The following EDC4 variants were observed in gnomAD, a reference collection of about 807,000 sequenced individuals.
EDC4 encodes the protein enhancer of mRNA-decapping protein 4.
A neutral mutation model predicts 155.8 loss-of-function variants in EDC4; 64 were observed. The observed-to-expected ratio is 0.41, with a 90% CI of 0.34 to 0.51. EDC4 has a LOEUF of 0.51. Ranked by LOEUF, EDC4 falls within the 20% of genes least tolerant of loss-of-function variation. EDC4 has a pLI of 0.19. For synonymous variants in EDC4, 684 were observed against 716.8 expected, an observed-to-expected ratio of 0.95 and a Z score of 0.73; for missense variants, 1,303 against 1,812.5, an observed-to-expected ratio of 0.72 and a Z score of 5.10.
chr16:67,873,302 A>G lies in EDC4; in HGVS notation c.41A>G (p.Gln14Arg). The G allele has an allele frequency of 2.0e-6, 3 of 1,477,432 alleles. No homozygotes were observed. Among genetic ancestry groups the G allele is most frequent in the Non-Finnish European group, 2.7e-6 (3 of 1,117,406 alleles). 91.5% of individuals were successfully genotyped at this position (1,477,432 alleles called of 1,614,324 possible). ...CASIDIEDAT[Q>R]HLRDILKLDR... Reference sequence around the variant, plus strand: ...AGCATCGACATCGAGGACGCCACGCAGCACCTGCGGGACATCCTCAAGCTG... The same window carrying G: ...AGCATCGACATCGAGGACGCCACGCGGCACCTGCGGGACATCCTCAAGCTG... The change falls in exon 1 of 29, where the codon CAG (glutamine) becomes CGG (arginine). Residue 14 changes from glutamine (Q) to arginine (R), a missense_variant. By Grantham distance (43) the Gln-to-Arg change is conservative. Around this residue, in one of 5 missense-constraint regions of EDC4, gnomAD observed 99 missense variants for 121.3 expected, o/e 0.82. Coordinates refer to ENST00000358933, the MANE Select transcript of EDC4 (RefSeq NM_014329.5).
At position 67,876,403 on chromosome 16, in the gene EDC4, C is replaced by T. The variant is rs1266846237; in HGVS notation, c.240-85C>T. 4 of 1,542,136 alleles carry T rather than the reference C, an allele frequency of 2.6e-6. No individual in the cohort carries two copies. In the Admixed American group the frequency reaches 5.7e-5, roughly 22 times the overall value. Reference sequence around the variant, plus strand: ...CATTGGACTAGATACCTTCCCCAGTCTGGCTATGTCCTCGCTTCCTCCCAA... The same window carrying T: ...CATTGGACTAGATACCTTCCCCAGTTTGGCTATGTCCTCGCTTCCTCCCAA... On this transcript the variant is annotated intron_variant, in intron 2 of 28. Coordinates refer to ENST00000358933, the MANE Select transcript of EDC4 (RefSeq NM_014329.5). This position sits in a 1 kb window ranked among gnomAD's most constrained non-coding sequence, Gnocchi z 5.8.
chr16:67,880,565 T>C lies in EDC4; in HGVS notation c.2106T>C (p.Thr702=), dbSNP rs983763319. 4 of 1,612,984 alleles carry C rather than the reference T, an allele frequency of 2.5e-6. No individual in the cohort carries two copies. The Admixed American group carries it at 6.7e-5, about 27-fold the overall frequency. The change falls in exon 18 of 29, where the codon ACT becomes ACC. Residue 702 remains threonine, a synonymous_variant. Transcript: ENST00000358933. The surrounding 1 kb of genome is among the most constrained non-coding windows in gnomAD (Gnocchi z 5.2). ...LTPKGPGQVP[T]ATSALSLELQ... ...TCTTTGGCCCACCTCAGGTGCCTAC[T>C]GCCACCTCTGCACTGTCCCTGGAGC...
intron 1 of EDC4, chr16:67,875,577 C>T (rs944602975): frequency 4.1e-6 from 1 of 241,110 alleles, no homozygotes; most frequent in African/African-American, 2.3e-5. Flanking sequence ...TTCACTCCAT[C>T]CTTCCTGTGT....
In EDC4 at chr16:67,876,361, G is replaced by T; in HGVS notation, c.240-127G>T. The T allele has an allele frequency of 7.0e-7, 1 of 1,434,118 alleles. No individual in the cohort carries two copies. The highest frequency in any genetic ancestry group is 9.3e-7 in the Non-Finnish European group (1 of 1,076,770). The allele number at this position is 1,434,118 out of a possible 1,614,324, so 88.8% of individuals were successfully genotyped here. On this transcript the variant is annotated intron_variant, in intron 2 of 28. Transcript: ENST00000358933. This position sits in a 1 kb window ranked among gnomAD's most constrained non-coding sequence, Gnocchi z 5.8. ...GCAGAGCTGTGGGTCTGGGGCCAGT[G>T]GACCAGGCGAAGCTGACATTGGACT...
Position 67,876,050 on chromosome 16 carries a change from A to G in EDC4, c.188A>G (p.Lys63Arg), listed in dbSNP as rs149577827. Reference protein sequence around the residue: ...LCSGDSTSANKTGLRTMPPIN... With the variant: ...LCSGDSTSANRTGLRTMPPIN... Reference sequence around the variant, plus strand: ...TCAGGTGATAGTACCTCAGCAAACAAGACTGGTCTTCGGACCATGCCACCC... The same window carrying G: ...TCAGGTGATAGTACCTCAGCAAACAGGACTGGTCTTCGGACCATGCCACCC... The change falls in exon 2 of 29, where the codon AAG becomes AGG. Residue 63 changes from lysine (K) to arginine (R), a missense_variant. Lys to Arg is a conservative substitution (Grantham distance 26, BLOSUM62 2). Coordinates refer to ENST00000358933, the MANE Select transcript of EDC4 (RefSeq NM_014329.5). The surrounding 1 kb of genome is among the most constrained non-coding windows in gnomAD (Gnocchi z 5.8). The G allele has an allele frequency of 1.2e-4, 194 of 1,614,092 alleles. No individual in the cohort carries two copies. Among genetic ancestry groups the G allele is most frequent in the Non-Finnish European group, 1.4e-4 (170 of 1,180,050 alleles).
chr16:67,879,035 A>G lies in EDC4; in HGVS notation c.1366A>G (p.Thr456Ala). 1 of 1,612,804 alleles carries G rather than the reference A, an allele frequency of 6.2e-7. No homozygotes were observed. The highest frequency in any genetic ancestry group is 1.3e-5 in the African/African-American group (1 of 75,036). The change falls in exon 12 of 29, where the codon ACC becomes GCC. Residue 456 changes from threonine (T) to alanine (A), a missense_variant. This residue lies in a region of EDC4 where 235 missense variants were observed against 367.7 expected (regional missense o/e 0.64). Coordinates refer to ENST00000358933, the MANE Select transcript of EDC4 (RefSeq NM_014329.5). The surrounding 1 kb of genome is among the most constrained non-coding windows in gnomAD (Gnocchi z 6.0). ...CAGCTCCATCTCGGAGTTCCTGCTCACCCACCCTGTGCTGAGCTTTGGTAT... is the reference window on the plus strand; with the variant it reads ...CAGCTCCATCTCGGAGTTCCTGCTCGCCCACCCTGTGCTGAGCTTTGGTAT... ...CFSSISEFLLTHPVLSFGIQV... is the reference protein window; with the variant it reads ...CFSSISEFLLAHPVLSFGIQV...
In EDC4 at chr16:67,881,259, C is replaced by T. The variant is rs1268598957; in HGVS notation, c.2637-6C>T. The T allele has an allele frequency of 1.2e-6, 2 of 1,613,914 alleles. No individual in the cohort carries two copies. Among genetic ancestry groups the T allele is most frequent in the Admixed American group, 3.3e-5 (2 of 59,998 alleles). ...AGGGGCTTACTCCTCCTTCCCCTTC[C>T]CACAGTGACCATGATGATGAGGTGG... On this transcript the variant is annotated splice_region_variant and splice_polypyrimidine_tract_variant and intron_variant, in intron 19 of 28. Transcript: ENST00000358933. The surrounding 1 kb of genome is among the most constrained non-coding windows in gnomAD (Gnocchi z 5.4).
chr16:67,875,809 C>CCCT lies in EDC4; in HGVS notation c.83-128_83-126dup, dbSNP rs546424392. ...TATGGAACGAGAGATGAACACAGGG[C>CCCT]CCTCCTCCTCATGGACATGCTTTGC... On this transcript the variant is annotated intron_variant, in intron 1 of 28. Coordinates refer to ENST00000358933, the MANE Select transcript of EDC4 (RefSeq NM_014329.5). The CCCT allele has an allele frequency of 2.8e-5, 41 of 1,486,600 alleles. No homozygotes were observed. In the South Asian group the frequency reaches 3.7e-4, roughly 13 times the overall value. The allele number at this position is 1,486,600 out of a possible 1,614,324, so 92.1% of individuals were successfully genotyped here.
chr16:67,873,359 G>C lies in EDC4; in HGVS notation c.82+16G>C. The C allele has an allele frequency of 1.4e-6, 2 of 1,436,148 alleles. No homozygotes were observed. Among genetic ancestry groups the C allele is most frequent in the East Asian group, 3.0e-5 (1 of 33,346 alleles). 89.0% of individuals were successfully genotyped at this position (1,436,148 alleles called of 1,614,324 possible). ...CCCGCGGGCGGTGAGCGGGGGTTGC[G>C]GGGGTGGGCCCCAGGCGAGCTGACA... On this transcript the variant is annotated intron_variant, in intron 1 of 28. Coordinates refer to ENST00000358933, the MANE Select transcript of EDC4 (RefSeq NM_014329.5).
Position 67,875,359 on chromosome 16 carries a change from T to G in EDC4, c.83-586T>G, listed in dbSNP as rs181321121. On this transcript the variant is annotated intron_variant, in intron 1 of 28. Coordinates refer to ENST00000358933, the MANE Select transcript of EDC4 (RefSeq NM_014329.5). ...CCTTCCATGCCTTAGGAGCCCATCT[T>G]CTCTCCAAACTCTGACACTACATTG... is the stretch of plus-strand genomic sequence containing the variant. 1.9e-4 allele frequency among the ~76,000 whole-genome samples: 29 copies of G among 152,316 alleles called. 1 individual carries two copies. Among genetic ancestry groups the G allele is most frequent in the Admixed American group, 1.4e-3 (22 of 15,284 alleles).
In EDC4 at chr16:67,880,183, A is replaced by G; in HGVS notation, c.2064A>G (p.Pro688=). The change falls in exon 17 of 29, where the codon CCA becomes CCG. Residue 688 remains proline (P), a synonymous_variant. Transcript: ENST00000358933. This position sits in a 1 kb window ranked among gnomAD's most constrained non-coding sequence, Gnocchi z 5.2. ...RGLLPGLLPA[P]ADKLTPKGPG... ...TCCTGCCTGGCCTGCTCCCAGCCCC[A>G]GCTGACAAACTGACTCCCAAGGGGC... is the stretch of plus-strand genomic sequence containing the variant. The G allele has an allele frequency of 1.2e-6, 2 of 1,611,244 alleles. No individual in the cohort carries two copies. Among genetic ancestry groups the G allele is most frequent in the Non-Finnish European group, 1.7e-6 (2 of 1,179,122 alleles).
chr16:67,882,836 G>A lies in EDC4; in HGVS notation c.3600G>A (p.Val1200=). Residue 1200 remains valine (V), a synonymous_variant, in exon 26 of 29, where the codon GTG becomes GTA. Coordinates refer to ENST00000358933, the MANE Select transcript of EDC4 (RefSeq NM_014329.5). The surrounding 1 kb of genome is among the most constrained non-coding windows in gnomAD (Gnocchi z 7.2). Reference sequence around the variant, plus strand: ...TGGCCGGCAGTGTTCGTGCTGAGGTGCAGCACCAGCTGCATGTGGCTGTGG... The same window carrying A: ...TGGCCGGCAGTGTTCGTGCTGAGGTACAGCACCAGCTGCATGTGGCTGTGG... ...ATVAGSVRAE[V]QHQLHVAVGS... is the part of the protein sequence containing the mutation. 1 of 1,614,136 alleles carries A rather than the reference G, an allele frequency of 6.2e-7. No homozygotes were observed. The highest frequency in any genetic ancestry group is 8.5e-7 in the Non-Finnish European group (1 of 1,180,036).
Position 67,881,446 on chromosome 16 carries a change from G to T in EDC4, c.2789+29G>T. 2 of 1,614,076 alleles carry T rather than the reference G, an allele frequency of 1.2e-6. No homozygotes were observed. Among genetic ancestry groups the T allele is most frequent in the Non-Finnish European group, 8.5e-7 (1 of 1,179,948 alleles). Reference sequence around the variant, plus strand: ...GGGAGAAATCCTAGGGAGGGAGAGGGTGGTCTCTAGGCTGCCTCACATAGC... The same window carrying T: ...GGGAGAAATCCTAGGGAGGGAGAGGTTGGTCTCTAGGCTGCCTCACATAGC... On this transcript the variant is annotated intron_variant, in intron 20 of 28. Transcript: ENST00000358933. This position sits in a 1 kb window ranked among gnomAD's most constrained non-coding sequence, Gnocchi z 5.4.
In EDC4 at chr16:67,882,883, T is replaced by A; in HGVS notation, c.3629+18T>A. Reference sequence around the variant, plus strand: ...GTGGGCAGGTGTGTGGGCAGAGTACTGGGCAAGGTGGTGGGCTTGAGAAAG... The same window carrying A: ...GTGGGCAGGTGTGTGGGCAGAGTACAGGGCAAGGTGGTGGGCTTGAGAAAG... On this transcript the variant is annotated intron_variant, in intron 26 of 28. Transcript: ENST00000358933. The surrounding 1 kb of genome is among the most constrained non-coding windows in gnomAD (Gnocchi z 7.2). 1 of 1,614,104 alleles carries A rather than the reference T, an allele frequency of 6.2e-7. No individual in the cohort carries two copies. Among genetic ancestry groups the A allele is most frequent in the Non-Finnish European group, 8.5e-7 (1 of 1,179,976 alleles).
chr16:67,879,811 A>G lies in EDC4; in HGVS notation c.1821+37A>G. The G allele has an allele frequency of 6.2e-7, 1 of 1,613,288 alleles. No homozygotes were observed. Among genetic ancestry groups the G allele is most frequent in the East Asian group, 2.2e-5 (1 of 44,872 alleles). ...GGGTAGGGGGACCTGGGAATGCCTCAGCCACAGGCCACAGGTCTTATTTCC... is the reference window on the plus strand; with the variant it reads ...GGGTAGGGGGACCTGGGAATGCCTCGGCCACAGGCCACAGGTCTTATTTCC... On this transcript the variant is annotated intron_variant, in intron 15 of 28. Coordinates refer to ENST00000358933, the MANE Select transcript of EDC4 (RefSeq NM_014329.5). The surrounding 1 kb of genome is among the most constrained non-coding windows in gnomAD (Gnocchi z 6.0).
At position 67,881,611 on chromosome 16, in the gene EDC4, T is replaced by C; in HGVS notation, c.2827-57T>C. On this transcript the variant is annotated intron_variant, in intron 21 of 28. Coordinates refer to ENST00000358933, the MANE Select transcript of EDC4 (RefSeq NM_014329.5). This position sits in a 1 kb window ranked among gnomAD's most constrained non-coding sequence, Gnocchi z 5.4. ...AGAAGGGCTCTGGGCCATTCCCTGGTCTGGTGTGTGGGAATAGGTGGGGCA... is the reference window on the plus strand; with the variant it reads ...AGAAGGGCTCTGGGCCATTCCCTGGCCTGGTGTGTGGGAATAGGTGGGGCA... 1.9e-6 allele frequency: 3 copies of C among 1,611,722 alleles called. No individual in the cohort carries two copies. Among genetic ancestry groups the C allele is most frequent in the Non-Finnish European group, 2.5e-6 (3 of 1,178,446 alleles).
chr16:67,878,386 A>G lies in EDC4; in HGVS notation c.1031A>G (p.Asp344Gly). 7 of 1,614,186 alleles carry G rather than the reference A, an allele frequency of 4.3e-6. No homozygotes were observed. The highest frequency in any genetic ancestry group is 5.9e-6 in the Non-Finnish European group (7 of 1,180,026). ...PRCLHEWKPH[D>G]GRPLSCLLFC... ...TGTCTGCACGAGTGGAAACCTCATGATGGGCGGCCCCTCTCCTGCCTCCTG... is the reference window on the plus strand; with the variant it reads ...TGTCTGCACGAGTGGAAACCTCATGGTGGGCGGCCCCTCTCCTGCCTCCTG... Residue 344 changes from aspartate (D) to glycine (G), a missense_variant, in exon 9 of 29, where the codon GAT (aspartate) becomes GGT (glycine). Asp to Gly is a moderately conservative substitution (Grantham distance 94, BLOSUM62 -1). Transcript: ENST00000358933. The surrounding 1 kb of genome is among the most constrained non-coding windows in gnomAD (Gnocchi z 5.2).
chr16:67,873,611 T>G (rs1406912719), intron 1 of EDC4, among the ~76,000 whole-genome samples: 1 of 152,162 alleles, frequency 6.6e-6, no homozygotes, highest in Non-Finnish European at 1.5e-5. Context: ...GGCCCTCTGG[T>G]TTCCTGGCCC....
rs61745607 is a variant in EDC4 at position 67,881,779 on chromosome 16, G to A, written c.2938G>A (p.Glu980Lys). 22 of 1,614,038 alleles carry A rather than the reference G, an allele frequency of 1.4e-5. No homozygotes were observed. Among genetic ancestry groups the A allele is most frequent in the Admixed American group, 6.7e-5 (4 of 59,996 alleles). The change falls in exon 22 of 29, where the codon GAA becomes AAA. Residue 980 changes from glutamate to lysine, a missense_variant. By Grantham distance (56) the Glu-to-Lys change is moderately conservative (BLOSUM62 1). Transcript: ENST00000358933. The surrounding 1 kb of genome is among the most constrained non-coding windows in gnomAD (Gnocchi z 5.4). ...ELLQRLCTQL[E>K]GLQSTVTGHV... is the part of the protein sequence containing the mutation. ...GCTGCAGCGTCTGTGTACCCAACTC[G>A]AAGGCCTGCAGAGCACAGTCACAGG... is the stretch of plus-strand genomic sequence containing the variant.
Sources: gnomAD v4.1 joint callset for allele counts (sites outside exome capture counted in the v4.1 genomes callset) on GRCh38, gnomAD v4.1.1 for gene constraint, gnomAD v4.1.1 regional missense constraint, Gnocchi (gnomAD v3.1) non-coding constraint, MANE v1.5 for transcripts, NCBI Gene and HGNC (gene_info 2026-07-23, HGNC 2026-07-21) for gene names.